The following PFKFB3 variants were observed in gnomAD, a reference collection of about 807,000 sequenced individuals.
PFKFB3 encodes the protein 6-phosphofructo-2-kinase/fructose-2,6-biphosphatase 3.
Under a neutral mutation model 68.0 loss-of-function variants are expected in PFKFB3, and 33 were observed. The ratio of observed to expected loss-of-function variants is 0.49; its 90% confidence interval spans 0.37 to 0.65. The LOEUF (loss-of-function observed/expected upper bound fraction) is 0.65. PFKFB3 is among the 30% of genes least tolerant of loss of function. The pLI is 0.00. For synonymous variants in PFKFB3, 315 were observed against 288.2 expected (o/e 1.09, Z -0.94); for missense variants, 586 against 712.2 (o/e 0.82, Z 2.02).
At chr10:6,260,986 G>C in the PFKFB3 span, among the ~76,000 whole-genome samples, 1 of 152,150 alleles carries the variant, frequency 6.6e-6, no homozygotes, top group Non-Finnish European at 1.5e-5. Context: ...CTAAACAGTG[G>C]CACTAATTTA....
the PFKFB3 span, among the ~76,000 whole-genome samples, chr10:6,321,594 G>A: frequency 0.86 from 130,758 of 152,090 alleles, 56,372 homozygotes; most frequent in Middle Eastern, 0.91. Context: ...TAAATGCCCT[G>A]TGTCCTGGCT....
chr10:6,189,210 C>G (rs188240492), intron 1 of PFKFB3, among the ~76,000 whole-genome samples: 1 of 152,120 alleles, frequency 6.6e-6, no homozygotes, highest in Non-Finnish European at 1.5e-5. Context: ...TTCCATCTGT[C>G]GATGGACACT....
At chr10:6,238,137 GA>G (rs1204487265), downstream of PFKFB3, among the ~76,000 whole-genome samples, 13 of 151,964 alleles carry the variant, frequency 8.6e-5, no homozygotes, top group Admixed American at 3.3e-4. Flanking sequence ...CAGTCCCTGA[GA>G]AATGTCTTTG....
intron 1 of PFKFB3, among the ~76,000 whole-genome samples, chr10:6,195,064 G>A (rs1843140533): frequency 6.6e-6 from 1 of 152,008 alleles, no homozygotes; most frequent in African/African-American, 2.4e-5. Flanking sequence ...TAGAGATGGG[G>A]TTTCACCACA....
At chr10:6,263,468 T>C in the PFKFB3 span, among the ~76,000 whole-genome samples, 1 of 152,208 alleles carries the variant, frequency 6.6e-6, no homozygotes, top group East Asian at 1.9e-4. Flanking sequence ...GGCCAGATTT[T>C]GGGGGGCTTG....
At position 6,214,494 on chromosome 10, in the gene PFKFB3, T is replaced by C. The variant is rs563943314; in HGVS notation, c.203-727T>C. 2.2e-4 allele frequency among the ~76,000 whole-genome samples: 34 copies of C among 152,194 alleles called. 1 individual carries two copies. The South Asian group carries it at 6.0e-3, about 27-fold the overall frequency. ...GGTCTTCCCAACTAGATGGGGAACATCTTGTGGATAGGCACTGGGTATTTT... is the reference window on the plus strand; with the variant it reads ...GGTCTTCCCAACTAGATGGGGAACACCTTGTGGATAGGCACTGGGTATTTT... On this transcript the variant is annotated intron_variant, in intron 2 of 14. Coordinates refer to ENST00000379775, the MANE Select transcript of PFKFB3 (RefSeq NM_004566.4).
chr10:6,145,071 G>T (rs1019644870), intron 1 of PFKFB3: 163 of 1,265,292 alleles, frequency 1.3e-4, no homozygotes, highest in Non-Finnish European at 1.5e-4. Context: ...CTGAGCGGCC[G>T]CCTGTGGGTA....
chr10:6,210,003 C>T (rs28532995), intron 1 of PFKFB3, among the ~76,000 whole-genome samples: 11,655 of 133,154 alleles, frequency 0.088, 896 homozygotes, highest in East Asian at 0.18. Flanking sequence ...CCGCCCGCCT[C>T]GGCCTCCCAA....
chr10:6,234,827 C>G lies in PFKFB3; in HGVS notation c.*1885C>G, dbSNP rs1034333342. On this transcript the variant is annotated 3_prime_UTR_variant, in exon 15 of 15. Transcript: ENST00000379775. ...AGGGGCTTGATAGCTGTGGTCCCCT[C>G]TCCCCTCTGACTACCTAAAATCAAT... 6.6e-6 allele frequency: 1 copy of G among 152,340 alleles called. No individual in the cohort carries two copies. Among genetic ancestry groups the G allele is most frequent in the African/African-American group, 2.4e-5 (1 of 41,424 alleles). The allele number at this position is 152,340 out of a possible 1,614,324, so 9.4% of individuals were successfully genotyped here.
chr10:6,278,038 C>T, the PFKFB3 span, among the ~76,000 whole-genome samples: 1 of 151,888 alleles, frequency 6.6e-6, no homozygotes, highest in African/African-American at 2.4e-5. Flanking sequence ...CTGCCTCAGC[C>T]TCCTGAGTAG....
the PFKFB3 span, among the ~76,000 whole-genome samples, chr10:6,317,921 T>C: frequency 2.7e-4 from 41 of 152,332 alleles, no homozygotes; most frequent in Non-Finnish European, 4.7e-4. Context: ...GTGAAGGATA[T>C]AGCATCTTTG....
the PFKFB3 span, among the ~76,000 whole-genome samples, chr10:6,275,837 T>A: frequency 6.0e-5 from 9 of 150,710 alleles, no homozygotes; most frequent in East Asian, 1.8e-3. This position sits in a 1 kb window ranked among gnomAD's most constrained non-coding sequence, Gnocchi z 4.9. Flanking sequence ...ATTTTTTTTT[T>A]AATGGCTTAA....
At chr10:6,259,637 T>C (rs1301230655), downstream of PFKFB3, among the ~76,000 whole-genome samples, 1 of 140,552 alleles carries the variant, frequency 7.1e-6, no homozygotes, top group Admixed American at 7.2e-5. Context: ...CATCCATCCG[T>C]CCATCCATCC....
rs1280254175 is a variant in PFKFB3, at chr10:6,220,792, G to A, written c.758G>A (p.Arg253Gln). The change falls in exon 8 of 15, where the codon CGG becomes CAG. Residue 253 changes from arginine to glutamine, a missense_variant. Coordinates refer to ENST00000379775, the MANE Select transcript of PFKFB3 (RefSeq NM_004566.4). The surrounding 1 kb of genome is among the most constrained non-coding windows in gnomAD (Gnocchi z 4.1). ...HVQPRTIYLC[R>Q]HGENEHNLQG... Reference sequence around the variant, plus strand: ...CAGCCGCGTACCATCTACCTGTGCCGGCACGGCGAGAACGAGCACAACCTC... The same window carrying A: ...CAGCCGCGTACCATCTACCTGTGCCAGCACGGCGAGAACGAGCACAACCTC... 5.6e-6 allele frequency: 9 copies of A among 1,614,018 alleles called. No homozygotes were observed. Among genetic ancestry groups the A allele is most frequent in the South Asian group, 1.1e-5 (1 of 91,080 alleles).
the PFKFB3 span, among the ~76,000 whole-genome samples, chr10:6,288,209 AATT>A: frequency 8.8e-5 from 10 of 113,862 alleles, no homozygotes; most frequent in African/African-American, 3.1e-4. Context: ...TTTTTTTTTT[AATT>A]ATTATTATAC....
chr10:6,260,947 A>G, the PFKFB3 span, among the ~76,000 whole-genome samples: 2 of 152,316 alleles, frequency 1.3e-5, no homozygotes, highest in African/African-American at 4.8e-5. Context: ...CATGTGTTCA[A>G]TTTTGGTAGC....
At chr10:6,241,614 T>A (rs1199882882) in intron 14 of PFKFB3, among the ~76,000 whole-genome samples, 4 of 152,134 alleles carry the variant, frequency 2.6e-5, no homozygotes, top group Non-Finnish European at 5.9e-5. Context: ...GGAGGATCGC[T>A]TAAGCCCAGG....
At chr10:6,209,137 G>A (rs772071293) in intron 1 of PFKFB3, among the ~76,000 whole-genome samples, 2 of 152,180 alleles carry the variant, frequency 1.3e-5, no homozygotes, top group African/African-American at 4.8e-5. Context: ...TTGAAGTTCC[G>A]TGCCTGGGAC....
At chr10:6,214,228 G>GTGGC (rs1844414245) in intron 2 of PFKFB3, among the ~76,000 whole-genome samples, 1 of 152,206 alleles carries the variant, frequency 6.6e-6, no homozygotes, top group Non-Finnish European at 1.5e-5. Context: ...CTGATCAGTG[G>GTGGC]TGGCATTAGA....
Sources: gnomAD v4.1 joint callset for allele counts (sites outside exome capture counted in the v4.1 genomes callset) on GRCh38, gnomAD v4.1.1 for gene constraint, Gnocchi (gnomAD v3.1) non-coding constraint, MANE v1.5 for transcripts, NCBI Gene and HGNC (gene_info 2026-07-23, HGNC 2026-07-21) for gene names.